EPHB1: variants seen among roughly 807,000 people sequenced by gnomAD.
EPHB1 encodes EPH receptor B1.
EPHB1 carries 30 observed loss-of-function variants against 94.4 expected under a neutral mutation model. The observed-to-expected ratio is 0.32, with a 90% CI of 0.24 to 0.43. The LOEUF (loss-of-function observed/expected upper bound fraction) is 0.43, where lower values mean the gene tolerates loss of function less well. Ranked by LOEUF, EPHB1 falls within the 20% of genes least tolerant of loss-of-function variation. The pLI, the probability that EPHB1 is intolerant of heterozygous loss-of-function variation, is 1.00. For missense variants in EPHB1, 1,055 were observed against 1,308.3 expected (o/e 0.81, Z 2.99); for synonymous variants, 522 against 489.1 (o/e 1.07, Z -0.89).
intron 1 of EPHB1, among the ~76,000 whole-genome samples, chr3:134,856,284 G>T (rs1240783211): frequency 6.6e-6 from 1 of 152,146 alleles, no homozygotes; most frequent in South Asian, 2.1e-4. Context: ...GGGGAGCAAG[G>T]TGGCAGTGTA....
chr3:135,049,838 GC>G (rs1339577030), intron 3 of EPHB1, among the ~76,000 whole-genome samples: 1 of 152,196 alleles, frequency 6.6e-6, no homozygotes, highest in African/African-American at 2.4e-5. Context: ...GGAACGCACA[GC>G]TTGTGGACTA....
At chr3:134,850,160 T>G (rs1401023669) in intron 1 of EPHB1, among the ~76,000 whole-genome samples, 1 of 152,210 alleles carries the variant, frequency 6.6e-6, no homozygotes, top group Non-Finnish European at 1.5e-5. Flanking sequence ...TCTCCAATCC[T>G]CTAGGGCTCC....
chr3:135,109,998 G>A (rs1187890848), intron 4 of EPHB1, among the ~76,000 whole-genome samples: 10 of 152,344 alleles, frequency 6.6e-5, no homozygotes, highest in Middle Eastern at 3.4e-3. Context: ...GTGAAACCCC[G>A]CACCATGTTG....
chr3:135,230,709 G>GCCTC (rs1028683914), intron 12 of EPHB1, among the ~76,000 whole-genome samples: 7 of 151,968 alleles, frequency 4.6e-5, no homozygotes, highest in African/African-American at 1.7e-4. Context: ...TTCAACCCAT[G>GCCTC]CCTCCCTCCC....
chr3:135,032,612 C>G (rs1268604651), intron 3 of EPHB1, among the ~76,000 whole-genome samples: 4 of 152,244 alleles, frequency 2.6e-5, no homozygotes, highest in South Asian at 2.1e-4. Context: ...ATCAGCAGCT[C>G]TATGTGAGTG....
At chr3:134,815,412 A>G (rs981509923) in intron 1 of EPHB1, among the ~76,000 whole-genome samples, 4 of 151,878 alleles carry the variant, frequency 2.6e-5, no homozygotes, top group African/African-American at 9.7e-5. Flanking sequence ...AATAAAATAT[A>G]TATGTAATAT....
In EPHB1 at chr3:135,216,075, G is replaced by A. The variant is rs547123172; in HGVS notation, c.2346+14386G>A. Among the ~76,000 whole-genome samples, 4 of 152,316 alleles carry A rather than the reference G, an allele frequency of 2.6e-5. No individual in the cohort carries two copies. The East Asian group carries it at 5.8e-4, about 22-fold the overall frequency. On this transcript the variant is annotated intron_variant, in intron 12 of 15. Coordinates refer to ENST00000398015, the MANE Select transcript of EPHB1 (RefSeq NM_004441.5). ...AGCCCAGGGAAGCATGAAGGCCCCAGACCACACTTGGGCTCCAGCATCTTT... is the reference window on the plus strand; with the variant it reads ...AGCCCAGGGAAGCATGAAGGCCCCAAACCACACTTGGGCTCCAGCATCTTT...
intron 6 of EPHB1, among the ~76,000 whole-genome samples, chr3:135,156,835 A>G (rs1941370604): frequency 6.6e-6 from 1 of 152,204 alleles, no homozygotes. Flanking sequence ...ACTTTTTAAC[A>G]TATTTTGGAA....
chr3:135,192,808 G>C lies in EPHB1; in HGVS notation c.2115G>C (p.Leu705Phe). 1 of 1,613,910 alleles carries C rather than the reference G, an allele frequency of 6.2e-7. No individual in the cohort carries two copies. The highest frequency in any genetic ancestry group is 8.5e-7 in the Non-Finnish European group (1 of 1,179,832). The change falls in exon 11 of 16, where the codon TTG becomes TTC. Residue 705 changes from leucine (L) to phenylalanine (F), a missense_variant. Coordinates refer to ENST00000398015, the MANE Select transcript of EPHB1 (RefSeq NM_004441.5). ...CAGAGTTCATGGAGAATGGTGCATT[G>C]GATTCTTTCCTCAGGGTAAGAGCAA... ...IITEFMENGA[L>F]DSFLRQNDGQ...
intron 12 of EPHB1, among the ~76,000 whole-genome samples, chr3:135,238,438 C>G (rs774445305): frequency 7.2e-5 from 11 of 152,170 alleles, no homozygotes; most frequent in Non-Finnish European, 1.0e-4. Context: ...TGCCGTGGGC[C>G]AGGCACTGCC....
intron 5 of EPHB1, among the ~76,000 whole-genome samples, chr3:135,149,875 G>A (rs983154773): frequency 1.3e-5 from 2 of 152,160 alleles, no homozygotes; most frequent in Non-Finnish European, 2.9e-5. Context: ...GCTGACTGCT[G>A]GGGAGTCCAT....
intron 12 of EPHB1, among the ~76,000 whole-genome samples, chr3:135,210,419 C>T (rs1244325631): frequency 1.3e-5 from 2 of 152,078 alleles, no homozygotes; most frequent in Non-Finnish European, 2.9e-5. Flanking sequence ...TAGGAGTCAT[C>T]GTTGGCATAC....
chr3:135,248,610 G>GTATC, intron 14 of EPHB1, 101 bp downstream of exon 14: 1 of 1,239,224 alleles, frequency 8.1e-7, no homozygotes, highest in Non-Finnish European at 1.1e-6. Context: ...TTTTTAAAGA[G>GTATC]TATCTAGTTG....
chr3:134,813,739 A>T (rs754670956), intron 1 of EPHB1, among the ~76,000 whole-genome samples: 105 of 152,190 alleles, frequency 6.9e-4, no homozygotes, highest in African/African-American at 2.3e-3. Flanking sequence ...AGGCTTTCCA[A>T]CACTGGGGAT....
At position 135,039,880 on chromosome 3, in the gene EPHB1, G is replaced by A. The variant is rs549138809; in HGVS notation, c.806-66568G>A. On this transcript the variant is annotated intron_variant, in intron 3 of 15. Transcript: ENST00000398015. ...AGGGGCTCCCACAGTGCAGTGGGGG[G>A]GCTGAAGGGCTCCTCAAATGCCACC... is the stretch of plus-strand genomic sequence containing the variant. Among the ~76,000 whole-genome samples the A allele has an allele frequency of 2.6e-5, 4 of 152,320 alleles. No homozygotes were observed. The South Asian group carries it at 6.2e-4, about 24-fold the overall frequency.
At chr3:134,960,605 CTG>C (rs1213636652) in intron 3 of EPHB1, among the ~76,000 whole-genome samples, 1 of 152,130 alleles carries the variant, frequency 6.6e-6, no homozygotes, top group African/African-American at 2.4e-5. Flanking sequence ...CAGGATGAGT[CTG>C]TGAAGCTGCA....
At chr3:134,852,056 C>G (rs1167187086) in intron 1 of EPHB1, among the ~76,000 whole-genome samples, 1 of 152,152 alleles carries the variant, frequency 6.6e-6, no homozygotes, top group Non-Finnish European at 1.5e-5. Context: ...ATTATGTGCC[C>G]CATGTCCCTC....
chr3:135,013,647 C>G (rs1176787539), intron 3 of EPHB1, among the ~76,000 whole-genome samples: 1 of 152,190 alleles, frequency 6.6e-6, no homozygotes, highest in East Asian at 1.9e-4. Context: ...CCCAGCCCGC[C>G]CAGCTTGGAA....
At chr3:134,944,142 G>A (rs993219496) in intron 2 of EPHB1, among the ~76,000 whole-genome samples, 1 of 152,044 alleles carries the variant, frequency 6.6e-6, no homozygotes, top group Non-Finnish European at 1.5e-5. Context: ...TATGGCCCCA[G>A]GCAAATACTA....
Sources: gnomAD v4.1 joint callset for allele counts (sites outside exome capture counted in the v4.1 genomes callset) on GRCh38, gnomAD v4.1.1 for gene constraint, MANE v1.5 for transcripts, NCBI Gene and HGNC (gene_info 2026-07-23, HGNC 2026-07-21) for gene names.